OPCML: variants seen among roughly 807,000 people sequenced by gnomAD.
OPCML encodes opioid-binding protein/cell adhesion molecule.
Under a neutral mutation model 37.8 loss-of-function variants are expected in OPCML, and 13 were observed. That is an observed-to-expected ratio of 0.34 (90% CI 0.22 to 0.55). The LOEUF is 0.55. Ranked by LOEUF, OPCML falls within the 20% of genes least tolerant of loss-of-function variation. OPCML has a pLI of 0.91. For missense variants in OPCML, 341 were observed against 435.6 expected (o/e 0.78, Z 1.93); for synonymous variants, 176 against 168.8 (o/e 1.04, Z -0.33).
intron 2 of OPCML, among the ~76,000 whole-genome samples, chr11:132,833,124 A>G (rs890482941): frequency 6.9e-6 from 1 of 144,420 alleles, no homozygotes; most frequent in Non-Finnish European, 1.6e-5. Context: ...TAATCTTCGC[A>G]TTATGTAACT....
chr11:132,621,132 A>G (rs183466788), intron 3 of OPCML, among the ~76,000 whole-genome samples: 52 of 152,346 alleles, frequency 3.4e-4, no homozygotes, highest in African/African-American at 1.2e-3. Context: ...TAGCTACCAG[A>G]TGGCTACAAT....
intron 1 of OPCML, among the ~76,000 whole-genome samples, chr11:133,044,512 A>G (rs1947970082): frequency 1.3e-5 from 2 of 152,188 alleles, no homozygotes; most frequent in Admixed American, 6.5e-5. Context: ...CATCAAGGGA[A>G]GAACCCAAAA....
chr11:132,714,190 T>C (rs1944380341), intron 2 of OPCML, among the ~76,000 whole-genome samples: 1 of 152,230 alleles, frequency 6.6e-6, no homozygotes, highest in South Asian at 2.1e-4. Context: ...GCTGGTACTG[T>C]CACTGAAGAC....
intron 1 of OPCML, among the ~76,000 whole-genome samples, chr11:133,083,100 C>T (rs981751604): frequency 8.5e-5 from 13 of 152,156 alleles, no homozygotes; most frequent in Non-Finnish European, 1.6e-4. Context: ...CGACGGCACC[C>T]GTGTGCGCAC....
At chr11:132,456,678 G>T (rs60761902) in intron 4 of OPCML, among the ~76,000 whole-genome samples, 206 of 152,350 alleles carry the variant, frequency 1.4e-3, no homozygotes, top group African/African-American at 4.8e-3. Context: ...AAGGCATCAG[G>T]TGTGGGAGAA....
At chr11:132,848,419 A>ACATT (rs1941650657) in intron 2 of OPCML, among the ~76,000 whole-genome samples, 1 of 152,204 alleles carries the variant, frequency 6.6e-6, no homozygotes, top group Admixed American at 6.5e-5. Context: ...CAACCTTAAG[A>ACATT]CATTCCAAGC....
intron 3 of OPCML, among the ~76,000 whole-genome samples, chr11:132,540,249 A>G (rs2096352802): frequency 6.6e-6 from 1 of 152,052 alleles, no homozygotes; most frequent in Admixed American, 6.6e-5. Context: ...ACACTGTTCT[A>G]TTGTTTTCTA....
chr11:133,513,952 G>GA (rs1565677140), intron 1 of OPCML, among the ~76,000 whole-genome samples: 2 of 152,168 alleles, frequency 1.3e-5, no homozygotes, highest in South Asian at 2.1e-4. Flanking sequence ...TTGAATACAG[G>GA]AAAAAAATCA....
intron 1 of OPCML, among the ~76,000 whole-genome samples, chr11:133,020,309 T>C (rs1048102646): frequency 3.3e-5 from 5 of 152,218 alleles, no homozygotes; most frequent in African/African-American, 1.2e-4. Context: ...CCGCCTCAGC[T>C]GGACTGTGCT....
intron 1 of OPCML, among the ~76,000 whole-genome samples, chr11:133,015,435 GGAAGGAAGGAAGGAAGGAAT>G (rs1565398929): frequency 7.5e-4 from 80 of 106,322 alleles, no homozygotes; most frequent in African/African-American, 2.3e-3. Context: ...AAGGAATGAA[GGAAGGAAGGAAGGAAGGAAT>G]GAAGGAAGGA....
At chr11:133,129,803 G>A (rs1409298066) in intron 1 of OPCML, among the ~76,000 whole-genome samples, 2 of 152,130 alleles carry the variant, frequency 1.3e-5, no homozygotes, top group Non-Finnish European at 2.9e-5. Context: ...AGCTACTTGG[G>A]AGGCTGAAGC....
chr11:133,175,501 G>C (rs1346294050), intron 1 of OPCML, among the ~76,000 whole-genome samples: 1 of 143,206 alleles, frequency 7.0e-6, no homozygotes. Flanking sequence ...AAAAAAAACA[G>C]AACTAGGTTT....
At chr11:133,027,819 A>AGTGTAATGTGACGTGTATG (rs1947591875) in intron 1 of OPCML, among the ~76,000 whole-genome samples, 1 of 3,338 alleles carries the variant, frequency 3.0e-4, no homozygotes, top group Non-Finnish European at 7.8e-4. Flanking sequence ...CTGTGGTGGG[A>AGTGTAATGTGACGTGTATG]TGTGGGGGGA....
At chr11:132,697,656 TTATCCA>T (rs1943646697) in intron 2 of OPCML, among the ~76,000 whole-genome samples, 3 of 152,204 alleles carry the variant, frequency 2.0e-5, no homozygotes, top group Non-Finnish European at 4.4e-5. Context: ...AACACGTTCT[TTATCCA>T]TTCACCCATC....
intron 2 of OPCML, among the ~76,000 whole-genome samples, chr11:132,784,429 T>G (rs1309751391): frequency 2.0e-5 from 3 of 152,086 alleles, no homozygotes; most frequent in Non-Finnish European, 2.9e-5. Context: ...AAGCCTTCCC[T>G]CTTTCCATTA....
intron 1 of OPCML, among the ~76,000 whole-genome samples, chr11:133,415,675 G>T (rs1280431849): frequency 6.6e-6 from 1 of 152,160 alleles, no homozygotes; most frequent in Non-Finnish European, 1.5e-5. Flanking sequence ...AACAGACTTT[G>T]CAGCTGTGAT....
At chr11:132,963,856 C>T (rs949571564) in intron 1 of OPCML, among the ~76,000 whole-genome samples, 10 of 152,092 alleles carry the variant, frequency 6.6e-5, no homozygotes, top group Admixed American at 2.6e-4. Context: ...CCTAGCTGCA[C>T]GTTAGGGTCG....
intron 7 of OPCML, among the ~76,000 whole-genome samples, chr11:132,426,418 T>C (rs138413318): frequency 0.011 from 1,636 of 152,232 alleles, 25 homozygotes; most frequent in African/African-American, 0.037. Context: ...GCTAGGTTTG[T>C]GCAAAAGTCA....
At chr11:133,302,957 T>C (rs921427858) in intron 1 of OPCML, among the ~76,000 whole-genome samples, 2 of 152,180 alleles carry the variant, frequency 1.3e-5, no homozygotes, top group Non-Finnish European at 2.9e-5. Flanking sequence ...ATAGGAATGA[T>C]TAATTTGACA....
Sources: gnomAD v4.1 joint callset for allele counts (sites outside exome capture counted in the v4.1 genomes callset) on GRCh38, gnomAD v4.1.1 for gene constraint, MANE v1.5 for transcripts, NCBI Gene and HGNC (gene_info 2026-07-23, HGNC 2026-07-21) for gene names.